ZNF385B: variants seen among roughly 807,000 people sequenced by gnomAD.
The protein encoded by ZNF385B is zinc finger protein 385B, also known as zinc finger protein 533.
ZNF385B carries 23 observed loss-of-function variants against 39.2 expected under a neutral mutation model. The observed-to-expected ratio is 0.59, with a 90% CI of 0.42 to 0.83. The LOEUF is 0.83. Among genes scored for constraint, ZNF385B ranks in the 40% least tolerant of loss-of-function variants. The probability of loss-of-function intolerance (pLI) is 0.00; values close to 1 mark genes in which losing one functional copy is unlikely to be tolerated. For missense variants in ZNF385B, 552 were observed against 598.9 expected (o/e 0.92, Z 0.82); for synonymous variants, 205 against 222.6 (o/e 0.92, Z 0.70).
intron 1 of ZNF385B, among the ~76,000 whole-genome samples, chr2:179,855,461 C>A (rs1287322534): frequency 6.6e-6 from 1 of 152,108 alleles, no homozygotes; most frequent in South Asian, 2.1e-4. Flanking sequence ...GGTATGAAAG[C>A]CTGGTCATCT....
At chr2:179,572,593 A>G (rs908104773) in intron 3 of ZNF385B, among the ~76,000 whole-genome samples, 2 of 152,206 alleles carry the variant, frequency 1.3e-5, no homozygotes, top group Non-Finnish European at 2.9e-5. Context: ...AACTGATTGG[A>G]GACAGGGCTA....
intron 1 of ZNF385B, among the ~76,000 whole-genome samples, chr2:179,830,585 G>T (rs1183778511): frequency 6.6e-6 from 1 of 152,170 alleles, no homozygotes; most frequent in African/African-American, 2.4e-5. Context: ...GACTTTAAAT[G>T]CATATTACTA....
At chr2:179,445,421 T>C in intron 8 of ZNF385B, 129 bp downstream of exon 8, 1 of 800,048 alleles carries the variant, frequency 1.2e-6, no homozygotes, top group East Asian at 2.7e-5. Context: ...ATATGTTGCA[T>C]ATTGTCTGCA....
At chr2:179,507,990 C>T (rs111549230) in intron 5 of ZNF385B, among the ~76,000 whole-genome samples, 1,579 of 152,236 alleles carry the variant, frequency 0.01, 31 homozygotes, top group African/African-American at 0.036. Flanking sequence ...ATTTAAAGAG[C>T]GCTTGAGAGA....
intron 5 of ZNF385B, among the ~76,000 whole-genome samples, chr2:179,500,749 G>T (rs965072676): frequency 1.3e-5 from 2 of 152,044 alleles, no homozygotes; most frequent in Non-Finnish European, 2.9e-5. Flanking sequence ...GGACAAATGG[G>T]ATCACATCAA....
In ZNF385B at chr2:179,549,338, C is replaced by T. The variant is rs2060425487; in HGVS notation, c.299-4369G>A. On this transcript the variant is annotated intron_variant, in intron 3 of 9. Transcript: ENST00000410066. ...TTCTTTCAGGTATATACTTAGGTGTCAAATTTTGGAAATTGTTTGGTCATC... is the reference window on the plus strand; with the variant it reads ...TTCTTTCAGGTATATACTTAGGTGTTAAATTTTGGAAATTGTTTGGTCATC... Among the ~76,000 whole-genome samples, 2 of 149,374 alleles carry T rather than the reference C, an allele frequency of 1.3e-5. 1 individual carries two copies. Among genetic ancestry groups the T allele is most frequent in the African/African-American group, 5.0e-5 (2 of 39,608 alleles).
intron 3 of ZNF385B, among the ~76,000 whole-genome samples, chr2:179,572,118 G>C (rs1187106045): frequency 6.6e-6 from 1 of 152,056 alleles, no homozygotes; most frequent in Non-Finnish European, 1.5e-5. Flanking sequence ...AGGACAGGAG[G>C]TGGGCCAGGA....
Position 179,696,152 on chromosome 2 carries a change from G to A in ZNF385B, c.298+73351C>T, listed in dbSNP as rs78230749. 2.5e-3 allele frequency among the ~76,000 whole-genome samples: 375 copies of A among 152,078 alleles called. 1 individual carries two copies. Among genetic ancestry groups the A allele is most frequent in the African/African-American group, 8.5e-3 (352 of 41,472 alleles). On this transcript the variant is annotated intron_variant, in intron 3 of 9. Transcript: ENST00000410066. ...GGGATAAGCAGGTGGTAGGTCAAGGGTACAGGGTTTCTTTTTGAGGTTATG... is the reference window on the plus strand; with the variant it reads ...GGGATAAGCAGGTGGTAGGTCAAGGATACAGGGTTTCTTTTTGAGGTTATG...
chr2:179,813,648 A>C (rs1298044056), intron 1 of ZNF385B, among the ~76,000 whole-genome samples: 1 of 152,230 alleles, frequency 6.6e-6, no homozygotes, highest in Non-Finnish European at 1.5e-5. Flanking sequence ...AAATATGTTT[A>C]AAAAATTAGA....
At chr2:179,519,136 C>A (rs1201090074) in intron 4 of ZNF385B, among the ~76,000 whole-genome samples, 3 of 152,158 alleles carry the variant, frequency 2.0e-5, no homozygotes, top group Non-Finnish European at 2.9e-5. Flanking sequence ...ATGTGCCACA[C>A]TATGCCCAGC....
intron 3 of ZNF385B, among the ~76,000 whole-genome samples, chr2:179,696,966 C>G (rs931055354): frequency 6.6e-6 from 1 of 152,298 alleles, no homozygotes; most frequent in African/African-American, 2.4e-5. Context: ...CAGAAGCTCA[C>G]AGCAAGGACC....
At chr2:179,492,159 C>T (rs920424089) in intron 5 of ZNF385B, among the ~76,000 whole-genome samples, 2 of 152,120 alleles carry the variant, frequency 1.3e-5, no homozygotes, top group Non-Finnish European at 2.9e-5. Flanking sequence ...GTTGATAATT[C>T]TCAGCTACTT....
At chr2:179,761,930 G>A (rs936022781) in intron 3 of ZNF385B, among the ~76,000 whole-genome samples, 6 of 151,728 alleles carry the variant, frequency 4.0e-5, no homozygotes, top group African/African-American at 1.4e-4. Flanking sequence ...AGAACTTCCA[G>A]CACCATTTTG....
At position 179,797,407 on chromosome 2, in the gene ZNF385B, C is replaced by T. The variant is rs150784557; in HGVS notation, c.-154-26735G>A. ...CATAACCACACAATATGTCATCACA[C>T]TTTTAAAATTAATAACAATTCCTTC... On this transcript the variant is annotated intron_variant, in intron 1 of 9. Transcript: ENST00000410066. Among the ~76,000 whole-genome samples, 3 of 152,262 alleles carry T rather than the reference C, an allele frequency of 2.0e-5. No homozygotes were observed. In the East Asian group the frequency reaches 5.8e-4, roughly 29 times the overall value.
At chr2:179,712,948 T>C (rs189610065) in intron 3 of ZNF385B, among the ~76,000 whole-genome samples, 78 of 152,346 alleles carry the variant, frequency 5.1e-4, no homozygotes, top group African/African-American at 1.6e-3. Flanking sequence ...GCTAGTAATA[T>C]GCAGCACTAT....
chr2:179,631,768 G>A (rs1691244137), intron 3 of ZNF385B, among the ~76,000 whole-genome samples: 2 of 152,066 alleles, frequency 1.3e-5, no homozygotes, highest in Admixed American at 1.3e-4. Flanking sequence ...CTGTATTCAG[G>A]AGACCCAGCT....
intron 6 of ZNF385B, among the ~76,000 whole-genome samples, chr2:179,467,431 A>G (rs1012251366): frequency 6.6e-6 from 1 of 152,220 alleles, no homozygotes; most frequent in Non-Finnish European, 1.5e-5. Flanking sequence ...CATTTTCTAT[A>G]TGGTGTCTGC....
intron 3 of ZNF385B, among the ~76,000 whole-genome samples, chr2:179,593,447 C>T (rs1217023408): frequency 6.6e-6 from 1 of 152,132 alleles, no homozygotes; most frequent in African/African-American, 2.4e-5. Context: ...TAAGAATTCT[C>T]ACTAGGATTA....
intron 6 of ZNF385B, among the ~76,000 whole-genome samples, chr2:179,447,177 A>G (rs2049586072): frequency 6.6e-6 from 1 of 152,172 alleles, no homozygotes; most frequent in African/African-American, 2.4e-5. Context: ...TTGACTACTT[A>G]TGTTTAATTA....
Sources: allele counts gnomAD v4.1 joint callset (sites outside exome capture counted in the v4.1 genomes callset), GRCh38; gene constraint gnomAD v4.1.1; transcripts MANE v1.5; gene names NCBI Gene and HGNC (gene_info 2026-07-23, HGNC 2026-07-21).